STAMBP: variants seen among roughly 807,000 people sequenced by gnomAD.
STAMBP encodes STAM binding protein.
Under a neutral mutation model 50.7 loss-of-function variants are expected in STAMBP, and 31 were observed. The observed-to-expected ratio is 0.61, with a 90% CI of 0.46 to 0.83. The LOEUF (loss-of-function observed/expected upper bound fraction) is 0.83. Among genes scored for constraint, STAMBP ranks in the 40% least tolerant of loss-of-function variants. The pLI, the probability that STAMBP is intolerant of heterozygous loss-of-function variation, is 0.00. For missense variants in STAMBP, 472 were observed against 518.9 expected (o/e 0.91, Z 0.88); for synonymous variants, 211 against 192.4 (o/e 1.10, Z -0.80).
At chr2:73,861,561 C>CG (rs1213457738) in intron 9 of STAMBP, among the ~76,000 whole-genome samples, 4 of 151,900 alleles carry the variant, frequency 2.6e-5, no homozygotes, top group African/African-American at 9.7e-5. Flanking sequence ...GCTCTGTTGC[C>CG]GGGCTGGAGT....
intron 9 of STAMBP, among the ~76,000 whole-genome samples, chr2:73,861,442 A>G (rs138446549): frequency 4.9e-4 from 75 of 152,244 alleles, no homozygotes; most frequent in African/African-American, 1.8e-3. Context: ...CTACCACTTA[A>G]ATAGCAGTCT....
rs1678638832 is a variant in STAMBP at position 73,864,081 on chromosome 2, A to AC, written c.*1828dup. ...TAAAAAATACTGATGCCTGTGTTCT[A>AC]CCCCCCACCAATTAAAGCTGAATCT... On this transcript the variant is annotated 3_prime_UTR_variant, in exon 10 of 10. Coordinates refer to ENST00000394070, the MANE Select transcript of STAMBP (RefSeq NM_213622.4). 1 of 152,120 alleles carries AC rather than the reference A, an allele frequency of 6.6e-6. No homozygotes were observed. Among genetic ancestry groups the AC allele is most frequent in the South Asian group, 2.1e-4 (1 of 4,834 alleles). The allele number at this position is 152,120 out of a possible 1,614,324, so 9.4% of individuals were successfully genotyped here.
At chr2:73,851,636 GA>G (rs1195424279) in intron 7 of STAMBP, among the ~76,000 whole-genome samples, 10 of 147,732 alleles carry the variant, frequency 6.8e-5, no homozygotes, top group East Asian at 3.9e-4. Flanking sequence ...AACAGTGGTA[GA>G]TTTTTTTTTT....
chr2:73,831,234 T>C (rs1333099996), intron 2 of STAMBP, among the ~76,000 whole-genome samples, 175 bp downstream of exon 2: 4 of 152,262 alleles, frequency 2.6e-5, no homozygotes, highest in Admixed American at 6.5e-5. Context: ...GAAGGTGTTA[T>C]TTTCATGACT....
At position 73,865,890 on chromosome 2, in the gene STAMBP, C is replaced by T. The variant is rs1220339882; in HGVS notation, c.*3631C>T. ...TTGACTCCAAAGCTATCTGGTCTAC[C>T]TTGATGTTCTGAGCAGGAAAACTGA... On this transcript the variant is annotated 3_prime_UTR_variant, in exon 10 of 10. Coordinates refer to ENST00000394070, the MANE Select transcript of STAMBP (RefSeq NM_213622.4). The T allele has an allele frequency of 6.6e-6, 1 of 152,230 alleles. No individual in the cohort carries two copies. The highest frequency in any genetic ancestry group is 1.5e-5 in the Non-Finnish European group (1 of 68,078). The allele number at this position is 152,230 out of a possible 1,614,324, so 9.4% of individuals were successfully genotyped here.
At chr2:73,843,003 A>C (rs1429244694) in intron 2 of STAMBP, among the ~76,000 whole-genome samples, 3 of 152,190 alleles carry the variant, frequency 2.0e-5, no homozygotes, top group Non-Finnish European at 4.4e-5. Flanking sequence ...TGCTAAAGGT[A>C]GTAAATATTA....
At chr2:73,861,708 T>TC (rs1678345566) in intron 9 of STAMBP, among the ~76,000 whole-genome samples, 1 of 148,144 alleles carries the variant, frequency 6.8e-6, no homozygotes, top group African/African-American at 2.5e-5. Flanking sequence ...TTTTTTTTTT[T>TC]AGTAGGGTCA....
At chr2:73,834,222 AAAAAAAAAAAAAAAATATATATATATAT>A (rs1319827520) in intron 2 of STAMBP, among the ~76,000 whole-genome samples, 65 of 26,944 alleles carry the variant, frequency 2.4e-3, no homozygotes, top group African/African-American at 6.9e-3. Flanking sequence ...AAAAAAAAAA[AAAAAAAAAAAAAAAATATATATATATAT>A]ATATATATAT....
intron 7 of STAMBP, among the ~76,000 whole-genome samples, chr2:73,851,134 C>G (rs1013213350): frequency 6.6e-6 from 1 of 152,228 alleles, no homozygotes; most frequent in African/African-American, 2.4e-5. Flanking sequence ...GACAGAGTTA[C>G]AAATAAATTG....
Position 73,832,108 on chromosome 2 carries a change from T to TATATAC in STAMBP, c.203+1050_203+1051insTATACA, listed in dbSNP as rs1006072205. Among the ~76,000 whole-genome samples, 22 of 122,850 alleles carry TATATAC rather than the reference T, an allele frequency of 1.8e-4. 1 individual carries two copies. Among genetic ancestry groups the TATATAC allele is most frequent in the East Asian group, 7.2e-4 (3 of 4,146 alleles). The allele number at this position is 122,850 out of a possible 152,430, so 80.6% of individuals were successfully genotyped here. ...ACATATATATATATATATATATATA[T>TATATAC]ACACATATATATGGTGCACAATTCA... On this transcript the variant is annotated intron_variant, in intron 2 of 9. Transcript: ENST00000394070.
At chr2:73,870,528 C>A (rs970356227), downstream of STAMBP, among the ~76,000 whole-genome samples, 1 of 152,124 alleles carries the variant, frequency 6.6e-6, no homozygotes, top group Non-Finnish European at 1.5e-5. Context: ...CCACCGTGGC[C>A]CAGGGTTATT....
chr2:73,845,489 C>T (rs548870536), intron 4 of STAMBP, among the ~76,000 whole-genome samples: 2 of 152,256 alleles, frequency 1.3e-5, no homozygotes, highest in South Asian at 2.1e-4. Context: ...GAAAATCTGT[C>T]GCCTACCTGC....
At chr2:73,843,536 T>TGGGATTACA (rs1235068029) in intron 2 of STAMBP, among the ~76,000 whole-genome samples, 1 of 151,880 alleles carries the variant, frequency 6.6e-6, no homozygotes, top group East Asian at 1.9e-4. Flanking sequence ...CCCAAAGTGC[T>TGGGATTACA]GGGATTACAG....
At position 73,862,220 on chromosome 2, in the gene STAMBP, T is replaced by C. The variant is rs1475439630; in HGVS notation, c.1236T>C (p.Thr412=). 6.2e-7 allele frequency: 1 copy of C among 1,608,198 alleles called. No homozygotes were observed. Among genetic ancestry groups the C allele is most frequent in the Non-Finnish European group, 8.5e-7 (1 of 1,178,306 alleles). ...PPLFCSCSHV[T]VVDRAVTITD... is the part of the protein sequence containing the mutation. ...TATTGCAGAGCTGCAGCCACGTGAC[T>C]GTTGTGGACAGAGCAGTGACCATCA... The change falls in exon 10 of 10, where the codon ACT becomes ACC. Residue 412 remains threonine (T), a synonymous_variant. Coordinates refer to ENST00000394070, the MANE Select transcript of STAMBP (RefSeq NM_213622.4).
rs1674136095 is a variant in STAMBP, at chr2:73,832,846, A to C, written c.203+1787A>C. Among the ~76,000 whole-genome samples, 2 of 152,212 alleles carry C rather than the reference A, an allele frequency of 1.3e-5. 1 individual carries two copies. The highest frequency in any genetic ancestry group is 4.1e-4 in the South Asian group (2 of 4,828). ...TCACCTCTGAGAACCAGTGCTCCAA[A>C]GGAAAGTATGCGGAAGAATGGACTG... On this transcript the variant is annotated intron_variant, in intron 2 of 9. Transcript: ENST00000394070.
At chr2:73,847,876 C>G in intron 5 of STAMBP, 123 bp downstream of exon 5, 1 of 1,283,860 alleles carries the variant, frequency 7.8e-7, no homozygotes, top group Non-Finnish European at 1.1e-6. Flanking sequence ...AGAAACCCAT[C>G]TGATAAGTAT....
rs1675603611 is a variant in STAMBP, at chr2:73,843,072, C to T, written c.204-1741C>T. Reference sequence around the variant, plus strand: ...GTTCTACTGAATCATCTATCAGTCTCTAAAATATAAGAAATATGTCTTATT... The same window carrying T: ...GTTCTACTGAATCATCTATCAGTCTTTAAAATATAAGAAATATGTCTTATT... On this transcript the variant is annotated intron_variant, in intron 2 of 9. Transcript: ENST00000394070. 3.3e-5 allele frequency among the ~76,000 whole-genome samples: 5 copies of T among 151,856 alleles called. No individual in the cohort carries two copies. The South Asian group carries it at 1.0e-3, about 31-fold the overall frequency.
intron 2 of STAMBP, among the ~76,000 whole-genome samples, chr2:73,832,084 C>CATATATATATATAT (rs67469518): frequency 9.3e-5 from 11 of 118,500 alleles, no homozygotes; most frequent in South Asian, 2.6e-4. Flanking sequence ...GAGTAGGTAA[C>CATATATATATATAT]ATATATATAT....
chr2:73,847,728 T>A lies in STAMBP; in HGVS notation c.717T>A (p.Pro239=), dbSNP rs763015625. Residue 239 remains proline (P), a synonymous_variant, in exon 5 of 10, where the codon CCT becomes CCA. Coordinates refer to ENST00000394070, the MANE Select transcript of STAMBP (RefSeq NM_213622.4). ...KPPVVDRSLK[P]GALSNSESIP... ...CTGTGGTGGACAGGTCCTTGAAACC[T>A]GGAGCACTGAGCAACTCAGAAAGTA... The A allele has an allele frequency of 1.9e-5, 30 of 1,613,730 alleles. No individual in the cohort carries two copies. Among genetic ancestry groups the A allele is most frequent in the Non-Finnish European group, 2.3e-5 (27 of 1,179,910 alleles).
Sources: gnomAD v4.1 joint callset for allele counts (sites outside exome capture counted in the v4.1 genomes callset) on GRCh38, gnomAD v4.1.1 for gene constraint, MANE v1.5 for transcripts, NCBI Gene and HGNC (gene_info 2026-07-23, HGNC 2026-07-21) for gene names.